PHF24: variants seen among roughly 807,000 people sequenced by gnomAD.
The protein encoded by PHF24 is Galpha inhibitory interacting protein.
A neutral mutation model predicts 42.6 loss-of-function variants in PHF24; 25 were observed. That is an observed-to-expected ratio of 0.59 (90% CI 0.43 to 0.82). The LOEUF is 0.82. Ranked by LOEUF, PHF24 falls within the 40% of genes least tolerant of loss-of-function variation. The pLI, the probability that PHF24 is intolerant of heterozygous loss-of-function variation, is 0.00. For missense variants in PHF24, 470 were observed against 538.1 expected (o/e 0.87, Z 1.25); for synonymous variants, 185 against 204.8 (o/e 0.90, Z 0.83).
the PHF24 span, among the ~76,000 whole-genome samples, chr9:34,719,048 T>C: frequency 6.6e-6 from 1 of 152,218 alleles, no homozygotes; most frequent in Non-Finnish European, 1.5e-5. Flanking sequence ...TTTTTCTTTT[T>C]TGAGATGGAG....
At chr9:34,725,696 G>A in the PHF24 span, 1 of 1,529,442 alleles carries the variant, frequency 6.5e-7, no homozygotes. Flanking sequence ...CTCAGCCAGA[G>A]TCAGAAATGG....
chr9:34,723,772 C>G, the PHF24 span: 2 of 1,551,714 alleles, frequency 1.3e-6, no homozygotes, highest in Non-Finnish European at 1.7e-6. Context: ...TCTGGGCATT[C>G]TCAGGAATTG....
intron 1 of PHF24, among the ~76,000 whole-genome samples, chr9:34,968,521 G>A (rs2132886442): frequency 6.6e-6 from 1 of 152,274 alleles, no homozygotes; most frequent in South Asian, 2.1e-4. Flanking sequence ...TGGAGTCGGG[G>A]AGGTGGTTCT....
the PHF24 span, chr9:34,710,256 A>C: frequency 3.3e-6 from 2 of 603,864 alleles, no homozygotes; most frequent in Non-Finnish European, 2.9e-6. Context: ...CACTTATCTC[A>C]AACTAAGTGG....
At chr9:34,677,245 T>G in the PHF24 span, among the ~76,000 whole-genome samples, 1 of 152,120 alleles carries the variant, frequency 6.6e-6, no homozygotes, top group African/African-American at 2.4e-5. Context: ...TAAGTCCATA[T>G]TGGATTCCTC....
chr9:34,876,609 G>C, the PHF24 span, among the ~76,000 whole-genome samples: 2 of 152,044 alleles, frequency 1.3e-5, no homozygotes, highest in Non-Finnish European at 2.9e-5. Flanking sequence ...ACTCATTAGA[G>C]AAATGCAAAT....
chr9:34,887,274 C>G, the PHF24 span, among the ~76,000 whole-genome samples: 2 of 152,154 alleles, frequency 1.3e-5, no homozygotes, highest in Non-Finnish European at 2.9e-5. Context: ...CTACTCAAAT[C>G]TATACCCCCA....
the PHF24 span, among the ~76,000 whole-genome samples, chr9:34,717,656 A>G: frequency 3.3e-5 from 5 of 152,356 alleles, no homozygotes; most frequent in East Asian, 7.7e-4. Context: ...ATAGGACAGA[A>G]ACGACAAACC....
the PHF24 span, among the ~76,000 whole-genome samples, chr9:34,887,954 C>T: frequency 3.9e-5 from 6 of 152,018 alleles, no homozygotes; most frequent in Non-Finnish European, 8.8e-5. Context: ...CATTCTCCAG[C>T]TTGGCAACCT....
upstream of PHF24, among the ~76,000 whole-genome samples, chr9:34,956,385 G>A (rs749243072): frequency 1.4e-4 from 22 of 152,078 alleles, no homozygotes; most frequent in Non-Finnish European, 2.5e-4. Flanking sequence ...TCAGCCTCCC[G>A]AGTAGCTGGG....
the PHF24 span, among the ~76,000 whole-genome samples, chr9:34,704,478 A>AGTGTGT: frequency 0.071 from 10,743 of 150,672 alleles, 1,247 homozygotes; most frequent in African/African-American, 0.24. Flanking sequence ...TGATTTCATT[A>AGTGTGT]GTGTGTGTGT....
the PHF24 span, among the ~76,000 whole-genome samples, chr9:34,919,691 T>TACACACACACACACACCCAC: frequency 6.7e-6 from 1 of 148,190 alleles, no homozygotes; most frequent in Non-Finnish European, 1.5e-5. Context: ...ACCCAGTAAT[T>TACACACACACACACACCCAC]ACACACACAC....
chr9:34,703,804 C>G, the PHF24 span, among the ~76,000 whole-genome samples: 2 of 151,748 alleles, frequency 1.3e-5, no homozygotes, highest in African/African-American at 4.8e-5. Context: ...GGGCTTAAGC[C>G]GTTCTCCTAC....
chr9:34,693,360 G>A, the PHF24 span, among the ~76,000 whole-genome samples: 1 of 152,204 alleles, frequency 6.6e-6, no homozygotes, highest in African/African-American at 2.4e-5. Flanking sequence ...GAAGGAGAGA[G>A]GGGTATTAAT....
chr9:34,763,251 T>G, the PHF24 span, among the ~76,000 whole-genome samples: 1 of 152,204 alleles, frequency 6.6e-6, no homozygotes, highest in Non-Finnish European at 1.5e-5. Context: ...ATTGGTAGCT[T>G]GATGGGGATG....
chr9:34,672,500 C>T, the PHF24 span, among the ~76,000 whole-genome samples: 1 of 152,068 alleles, frequency 6.6e-6, no homozygotes, highest in East Asian at 1.9e-4. Flanking sequence ...TAATTTATTT[C>T]TTACAGTTAT....
chr9:34,942,266 C>T, the PHF24 span, among the ~76,000 whole-genome samples: 5 of 152,176 alleles, frequency 3.3e-5, no homozygotes, highest in African/African-American at 1.2e-4. Flanking sequence ...GAGCAATGTT[C>T]CTAGGTGTAG....
intron 1 of PHF24, among the ~76,000 whole-genome samples, chr9:34,968,475 C>T (rs941312624): frequency 5.3e-5 from 8 of 152,240 alleles, no homozygotes; most frequent in African/African-American, 1.4e-4. Flanking sequence ...AATGTTCCTT[C>T]GTCACATACT....
the PHF24 span, chr9:34,723,485 T>G: frequency 6.4e-7 from 1 of 1,551,836 alleles, no homozygotes; most frequent in Non-Finnish European, 8.7e-7. Flanking sequence ...AGCCAGGCTC[T>G]TTGCAACATT....
Sources: allele counts gnomAD v4.1 joint callset (sites outside exome capture counted in the v4.1 genomes callset), GRCh38; gene constraint gnomAD v4.1.1; transcripts MANE v1.5; gene names NCBI Gene and HGNC (gene_info 2026-07-23, HGNC 2026-07-21).